Variants in NAV1 observed in about 807,000 individuals in gnomAD.
NAV1 encodes pore membrane and/or filament interacting like protein 3.
NAV1 carries 18 observed loss-of-function variants against 175.2 expected under a neutral mutation model. The ratio of observed to expected loss-of-function variants is 0.10; its 90% CI spans 0.07 to 0.15. NAV1 has a LOEUF of 0.15. Ranked by LOEUF, NAV1 falls within the 10% of genes least tolerant of loss-of-function variation. NAV1 has a pLI of 1.00. For synonymous variants in NAV1, 897 were observed against 978.7 expected (o/e 0.92, Z 1.56); for missense variants, 1,731 against 2,436.6 (o/e 0.71, Z 6.10).
chr1:201,590,680 G>A (rs574112156), intron 2 of NAV1, among the ~76,000 whole-genome samples: 30 of 152,314 alleles, frequency 2.0e-4, no homozygotes, highest in Admixed American at 1.2e-3. Context: ...GCTTGCGCGC[G>A]GGGCCAGGAG....
rs550170032 is a variant in NAV1, at chr1:201,694,453, G to A, written c.758-18364G>A. Among the ~76,000 whole-genome samples the A allele has an allele frequency of 1.4e-4, 21 of 152,276 alleles. No individual in the cohort carries two copies. In the East Asian group the frequency reaches 3.7e-3, roughly 27 times the overall value. ...TTAAAGATAGATGACCCTGGGGAGGGTGAGGGCCGGGGTCACCAGCTGCTG... is the reference window on the plus strand; with the variant it reads ...TTAAAGATAGATGACCCTGGGGAGGATGAGGGCCGGGGTCACCAGCTGCTG... On this transcript the variant is annotated intron_variant, in intron 1 of 29. Transcript: ENST00000367296. This position sits in a 1 kb window ranked among gnomAD's most constrained non-coding sequence, Gnocchi z 4.2.
intron 2 of NAV1, among the ~76,000 whole-genome samples, chr1:201,607,468 A>G (rs186856328): frequency 2.0e-5 from 3 of 152,058 alleles, no homozygotes; most frequent in Admixed American, 6.6e-5. Context: ...ACTAACAAGT[A>G]TGTTTTTAAT....
intron 15 of NAV1, chr1:201,796,574 C>T (rs544798): frequency 0.55 from 84,409 of 152,094 alleles, 25,929 homozygotes; most frequent in South Asian, 0.75. Flanking sequence ...GTGATCCGCC[C>T]ACCTCGGCGT....
Position 201,808,996 on chromosome 1 carries a change from C to T in NAV1, c.4207+125C>T. ...CCGAAGCCAAGCAGATGCCAGTGTCCTAAGACACTGAGTTGTAATGGTCCT... is the reference window on the plus strand; with the variant it reads ...CCGAAGCCAAGCAGATGCCAGTGTCTTAAGACACTGAGTTGTAATGGTCCT... On this transcript the variant is annotated intron_variant, in intron 20 of 29. Coordinates refer to ENST00000367296, the Ensembl canonical transcript of NAV1. The surrounding 1 kb of genome is among the most constrained non-coding windows in gnomAD (Gnocchi z 5.5). The T allele has an allele frequency of 4.6e-6, 6 of 1,312,242 alleles. No homozygotes were observed. The highest frequency in any genetic ancestry group is 6.4e-6 in the Non-Finnish European group (6 of 934,730). 81.3% of individuals were successfully genotyped at this position (1,312,242 alleles called of 1,614,324 possible). A position where few individuals can be genotyped will look rare whatever the true frequency, so the allele number is the denominator to read the frequency against.
chr1:201,780,178 T>TA (rs1482702390), intron 3 of NAV1, among the ~76,000 whole-genome samples: 1 of 152,204 alleles, frequency 6.6e-6, no homozygotes, highest in Non-Finnish European at 1.5e-5. Flanking sequence ...GTTAAGAAGA[T>TA]ACAACGTTTT....
intron 2 of NAV1, among the ~76,000 whole-genome samples, chr1:201,609,462 G>T (rs1456891818): frequency 1.3e-5 from 2 of 152,200 alleles, no homozygotes; most frequent in Admixed American, 1.3e-4. Flanking sequence ...TCCTGTCCCG[G>T]CACCAAGGAC....
chr1:201,648,708 G>C lies in NAV1; in HGVS notation c.40G>C (p.Glu14Gln), dbSNP rs897501245. The C allele has an allele frequency of 5.4e-5, 77 of 1,423,416 alleles. No homozygotes were observed. Among genetic ancestry groups the C allele is most frequent in the Non-Finnish European group, 7.0e-5 (77 of 1,093,862 alleles). 88.2% of individuals were successfully genotyped at this position (1,423,416 alleles called of 1,614,324 possible). A position where few individuals can be genotyped will look rare whatever the true frequency, so the allele number is the denominator to read the frequency against. ...CGTCAAGAGCGTGCAGCCCGAGGTG[G>C]AGCTGAGCAGCGGCGGCGGCGACGA... Residue 14 changes from glutamate to glutamine, a missense_variant, in exon 1 of 30, where the codon GAG (glutamate) becomes CAG (glutamine). Glu to Gln is a conservative substitution (Grantham distance 29, BLOSUM62 2). Around this residue, in one of 13 missense-constraint regions of NAV1, gnomAD observed 487 missense variants for 581.3 expected, o/e 0.84. Transcript: ENST00000367296.
chr1:201,691,307 T>C (rs1314616038), intron 1 of NAV1, among the ~76,000 whole-genome samples: 1 of 152,228 alleles, frequency 6.6e-6, no homozygotes, highest in East Asian at 1.9e-4. Flanking sequence ...CGTAGTATGC[T>C]GAGCCTCAGC....
At position 201,807,150 on chromosome 1, in the gene NAV1, C is replaced by T. The variant is rs1458646167; in HGVS notation, c.3649-803C>T. On this transcript the variant is annotated intron_variant, in intron 17 of 29. Transcript: ENST00000367296. The surrounding 1 kb of genome is among the most constrained non-coding windows in gnomAD (Gnocchi z 5.4). ...GCATCTCTAGCTCACATCCCTAACA[C>T]CCAAGCTCATCAACACCAAGATCAA... 6.6e-6 allele frequency among the ~76,000 whole-genome samples: 1 copy of T among 151,982 alleles called. No individual in the cohort carries two copies. The highest frequency in any genetic ancestry group is 1.5e-5 in the Non-Finnish European group (1 of 68,004).
At chr1:201,707,595 A>G (rs1243287169) in intron 1 of NAV1, among the ~76,000 whole-genome samples, 1 of 152,140 alleles carries the variant, frequency 6.6e-6, no homozygotes. Flanking sequence ...TAGGGTCCCA[A>G]TCTCTTGATG....
At chr1:201,704,070 C>T (rs1671558922) in intron 1 of NAV1, among the ~76,000 whole-genome samples, 1 of 152,214 alleles carries the variant, frequency 6.6e-6, no homozygotes, top group Non-Finnish European at 1.5e-5. Context: ...CCAGAACCTC[C>T]CTGGTGCCGA....
intron 1 of NAV1, among the ~76,000 whole-genome samples, chr1:201,711,532 T>C (rs1458867261): frequency 6.6e-6 from 1 of 152,198 alleles, no homozygotes; most frequent in Non-Finnish European, 1.5e-5. Context: ...GCTGAGTCTG[T>C]GGGCTGAGGA....
chr1:201,820,171 T>C, exon 30 of NAV1: 2 of 443,208 alleles, frequency 4.5e-6, no homozygotes, highest in African/African-American at 2.0e-5. Context: ...TTTACTGGCC[T>C]CCTCTAATGA....
At chr1:201,558,285 A>G (rs57978451) in intron 1 of NAV1, among the ~76,000 whole-genome samples, 50,436 of 152,140 alleles carry the variant, frequency 0.33, 8,896 homozygotes, top group Non-Finnish European at 0.39. Flanking sequence ...GGGAAGGGGA[A>G]ATGCGGGCCA....
At chr1:201,716,507 T>C (rs1672147548) in intron 2 of NAV1, among the ~76,000 whole-genome samples, 1 of 152,206 alleles carries the variant, frequency 6.6e-6, no homozygotes, top group East Asian at 1.9e-4. Context: ...GGAGATGTGA[T>C]GTCTAGGTCC....
intron 2 of NAV1, among the ~76,000 whole-genome samples, chr1:201,642,511 C>CTCTTTTTTTCTTTCTTTCTTTCTT (rs1668802210): frequency 2.2e-5 from 1 of 45,552 alleles, no homozygotes; most frequent in Non-Finnish European, 4.8e-5. Context: ...CGCACCCGGC[C>CTCTTTTTTTCTTTCTTTCTTTCTT]TCTTTCTTTC....
intron 1 of NAV1, among the ~76,000 whole-genome samples, chr1:201,578,307 AT>A (rs1359264999): frequency 1.3e-5 from 2 of 152,088 alleles, no homozygotes; most frequent in African/African-American, 2.4e-5. Flanking sequence ...CAGTTACTGT[AT>A]TTTTCAGTTT....
intron 15 of NAV1, 107 bp downstream of exon 19, chr1:201,794,684 A>G (rs746834289): frequency 1.4e-5 from 14 of 1,018,252 alleles, no homozygotes; most frequent in Non-Finnish European, 2.0e-5. Context: ...TCAAGTCTCT[A>G]GAAGGTGAGG....
At chr1:201,777,154 A>G (rs1472358321) in intron 3 of NAV1, among the ~76,000 whole-genome samples, 2 of 152,252 alleles carry the variant, frequency 1.3e-5, no homozygotes, top group East Asian at 3.8e-4. Context: ...CCTTTTCAGA[A>G]ACCTACTGGA....
Sources: allele counts gnomAD v4.1 joint callset (sites outside exome capture counted in the v4.1 genomes callset), GRCh38; gene constraint gnomAD v4.1.1; regional missense constraint gnomAD v4.1.1; non-coding constraint Gnocchi (gnomAD v3.1); transcripts MANE v1.5; gene names NCBI Gene and HGNC (gene_info 2026-07-23, HGNC 2026-07-21).